SI: variants seen among roughly 807,000 people sequenced by gnomAD.
SI encodes sucrase-isomaltase.
SI carries 235 observed loss-of-function variants against 253.3 expected under a neutral mutation model. That is an observed-to-expected ratio of 0.93 (90% CI 0.83 to 1.03). The LOEUF is 1.03. SI is among the 50% of genes least tolerant of loss of function. The pLI is 0.00. For synonymous variants in SI, 819 were observed against 712.0 expected, an observed-to-expected ratio of 1.15 and a Z score of -2.39; for missense variants, 2,442 against 2,211.1, an observed-to-expected ratio of 1.10 and a Z score of -2.09.
chr3:165,050,113 A>G (rs1236176570), intron 13 of SI, among the ~76,000 whole-genome samples: 1 of 152,116 alleles, frequency 6.6e-6, no homozygotes, highest in South Asian at 2.1e-4. Flanking sequence ...TCTAGTTTTG[A>G]TTATATATAA....
intron 31 of SI, 129 bp from the exon 32 acceptor site, chr3:165,016,209 A>G: frequency 5.0e-6 from 4 of 795,086 alleles, no homozygotes; most frequent in Non-Finnish European, 8.7e-6. Flanking sequence ...TCCTAAAAAG[A>G]ATTAAATGGT....
intron 16 of SI, among the ~76,000 whole-genome samples, chr3:165,046,402 T>G (rs1713117872): frequency 7.2e-5 from 2 of 27,686 alleles, no homozygotes; most frequent in Admixed American, 4.8e-4. Context: ...ATTTTAAACG[T>G]TTTTTTCTGT....
chr3:165,004,081 G>T (rs1385197337), intron 37 of SI, among the ~76,000 whole-genome samples: 2 of 151,972 alleles, frequency 1.3e-5, no homozygotes, highest in Non-Finnish European at 2.9e-5. Flanking sequence ...AATATATAAG[G>T]AGCTCAAACA....
Position 164,998,571 on chromosome 3 carries a change from T to G in SI, c.4509A>C (p.Ala1503=), listed in dbSNP as rs1718122764. 1 of 1,612,196 alleles carries G rather than the reference T, an allele frequency of 6.2e-7. No individual in the cohort carries two copies. The highest frequency in any genetic ancestry group is 1.7e-5 in the Admixed American group (1 of 59,794). The change falls in exon 38 of 48, where the codon GCA becomes GCC. Residue 1503 remains alanine, a synonymous_variant. Transcript: ENST00000264382. ...TTGATTTGTCCATGTTGTCCCATCGTGCATAGTTGTCTCCAAGCCAGTGTC... is the reference window on the plus strand; with the variant it reads ...TTGATTTGTCCATGTTGTCCCATCGGGCATAGTTGTCTCCAAGCCAGTGTC... ...WGGHWLGDNY[A]RWDNMDKSII...
intron 25 of SI, among the ~76,000 whole-genome samples, chr3:165,026,584 A>C (rs932788012): frequency 3.3e-5 from 5 of 150,140 alleles, no homozygotes; most frequent in Admixed American, 1.3e-4. Flanking sequence ...ATGATAGGGC[A>C]CAATAAATTT....
intron 2 of SI, 77 bp downstream of exon 2, chr3:165,075,818 T>C: frequency 1.1e-6 from 1 of 894,750 alleles, no homozygotes; most frequent in Non-Finnish European, 1.9e-6. Flanking sequence ...GATTATTTTT[T>C]AAAACCTATA....
chr3:165,035,046 G>T (rs1457550619), intron 22 of SI, among the ~76,000 whole-genome samples: 1 of 151,954 alleles, frequency 6.6e-6, no homozygotes, highest in Non-Finnish European at 1.5e-5. Flanking sequence ...ATTCCAAGGT[G>T]TTGGCATCTG....
At chr3:165,015,832 T>C in intron 32 of SI, 120 bp downstream of exon 32, 1 of 866,206 alleles carries the variant, frequency 1.2e-6, no homozygotes, top group Non-Finnish European at 1.9e-6. Flanking sequence ...AGTTTTAGAT[T>C]TGGGAGTGTT....
chr3:165,073,688 C>T (rs943686583), intron 3 of SI, among the ~76,000 whole-genome samples: 11 of 151,864 alleles, frequency 7.2e-5, no homozygotes, highest in African/African-American at 2.2e-4. Flanking sequence ...ATACAACAAA[C>T]TGTGGATCAA....
At chr3:165,075,705 T>C (rs915746835) in intron 2 of SI, among the ~76,000 whole-genome samples, 190 bp downstream of exon 2, 1 of 151,956 alleles carries the variant, frequency 6.6e-6, no homozygotes, top group African/African-American at 2.4e-5. Context: ...GATTCCTTAC[T>C]TACAATAGCT....
chr3:165,015,075 G>A (rs186351396), intron 33 of SI, 48 bp downstream of exon 33: 111 of 1,401,336 alleles, frequency 7.9e-5, no homozygotes, highest in Admixed American at 5.4e-4. Flanking sequence ...AACTTTCATT[G>A]AAATATAATT....
chr3:165,037,156 A>G (rs1712577618), intron 21 of SI, among the ~76,000 whole-genome samples: 2 of 152,040 alleles, frequency 1.3e-5, no homozygotes, highest in African/African-American at 2.4e-5. Flanking sequence ...ATGCCAAAAC[A>G]GTTAAATTAC....
chr3:165,022,300 C>T lies in SI; in HGVS notation c.3100-917G>A, dbSNP rs147201054. On this transcript the variant is annotated intron_variant, in intron 26 of 47. Coordinates refer to ENST00000264382, the MANE Select transcript of SI (RefSeq NM_001041.4). ...GTAGATTTTTACCTATGTCACTTAA[C>T]GCCTTTTTATCTGTGGCTTGAAAGG... 3.3e-3 allele frequency among the ~76,000 whole-genome samples: 490 copies of T among 149,982 alleles called. 1 individual carries two copies. Among genetic ancestry groups the T allele is most frequent in the Middle Eastern group, 0.017 (5 of 290 alleles).
chr3:165,072,153 TC>T (rs1182362836), intron 3 of SI, among the ~76,000 whole-genome samples: 1 of 152,042 alleles, frequency 6.6e-6, no homozygotes, highest in African/African-American at 2.4e-5. Context: ...CTAAGATAAA[TC>T]TTTTTTTTTA....
chr3:165,024,350 A>AG (rs1401006636), intron 25 of SI, among the ~76,000 whole-genome samples: 3 of 151,406 alleles, frequency 2.0e-5, no homozygotes. Flanking sequence ...AAAGAATTAT[A>AG]AACTCTGGCA....
In SI at chr3:165,068,753, T is replaced by C; in HGVS notation, c.452A>G (p.Gln151Arg). 1 of 1,613,846 alleles carries C rather than the reference T, an allele frequency of 6.2e-7. No homozygotes were observed. The highest frequency in any genetic ancestry group is 8.5e-7 in the Non-Finnish European group (1 of 1,179,748). The change falls in exon 5 of 48, where the codon CAA becomes CGA. Residue 151 changes from glutamine (Q) to arginine (R), a missense_variant. Gln to Arg is a conservative substitution (Grantham distance 43). Transcript: ENST00000264382. ...CCGGAAACGATTGGGTGTCTGATTTTGAGTTGTGAAGAGAACACTGTTGAT... is the reference window on the plus strand; with the variant it reads ...CCGGAAACGATTGGGTGTCTGATTTCGAGTTGTGAAGAGAACACTGTTGAT... ...NDINSVLFTT[Q>R]NQTPNRFRFK... is the part of the protein sequence containing the mutation.
Position 165,036,398 on chromosome 3 carries a change from C to T in SI, c.2506G>A (p.Glu836Lys). Residue 836 changes from glutamate to lysine, a missense_variant, in exon 22 of 48, where the codon GAA (glutamate) becomes AAA (lysine). Coordinates refer to ENST00000264382, the MANE Select transcript of SI (RefSeq NM_001041.4). ...AKGDFFWDDG[E>K]TKDTIQNGNY... Reference sequence around the variant, plus strand: ...TTACTTTCAGACTTACCTTTAGTTTCTCCATCATCCCAGAAAAAGTCTCCT... The same window carrying T: ...TTACTTTCAGACTTACCTTTAGTTTTTCCATCATCCCAGAAAAAGTCTCCT... 6.2e-7 allele frequency: 1 copy of T among 1,607,272 alleles called. No individual in the cohort carries two copies. The highest frequency in any genetic ancestry group is 8.5e-7 in the Non-Finnish European group (1 of 1,174,504).
rs1290590255 is a variant in SI at position 165,065,256 on chromosome 3, C to T, written c.807+5G>A. 4 of 1,575,242 alleles carry T rather than the reference C, an allele frequency of 2.5e-6. No homozygotes were observed. The highest frequency in any genetic ancestry group is 3.5e-6 in the Non-Finnish European group (4 of 1,147,694). ...TTATTTATAACAAGAAAAATAATTT[C>T]TTACATCACCAGGAAGTTGGTCTCG... On this transcript the variant is annotated splice_donor_5th_base_variant and intron_variant, in intron 7 of 47. Transcript: ENST00000264382.
chr3:165,065,428 C>G lies in SI; in HGVS notation c.640G>C (p.Asp214His). ...IRKSNGKTLF[D>H]TSIGPLVYSD... is the part of the protein sequence containing the mutation. Reference sequence around the variant, plus strand: ...TACACTAAGGGACCAATGCTGGTGTCAAACCTGCACCATAAAAGAAATAAA... The same window carrying G: ...TACACTAAGGGACCAATGCTGGTGTGAAACCTGCACCATAAAAGAAATAAA... Residue 214 changes from aspartate (D) to histidine (H), a missense_variant, in exon 7 of 48, where the codon GAC becomes CAC. Asp to His is a moderately conservative substitution (Grantham distance 81, BLOSUM62 -1). Coordinates refer to ENST00000264382, the MANE Select transcript of SI (RefSeq NM_001041.4). 7.2e-7 allele frequency: 1 copy of G among 1,393,008 alleles called. No homozygotes were observed. Among genetic ancestry groups the G allele is most frequent in the Non-Finnish European group, 9.7e-7 (1 of 1,028,494 alleles). The allele number at this position is 1,393,008 out of a possible 1,614,324, so 86.3% of individuals were successfully genotyped here. A position where few individuals can be genotyped will look rare whatever the true frequency, so the allele number is the denominator to read the frequency against.
Sources: allele counts gnomAD v4.1 joint callset (sites outside exome capture counted in the v4.1 genomes callset), GRCh38; gene constraint gnomAD v4.1.1; transcripts MANE v1.5; gene names NCBI Gene and HGNC (gene_info 2026-07-23, HGNC 2026-07-21).